The following DOCK10 variants were observed in gnomAD, a reference collection of about 807,000 sequenced individuals.
DOCK10 encodes the protein dedicator of cytokinesis 10.
DOCK10 carries 145 observed loss-of-function variants against 280.1 expected under a neutral mutation model. The observed-to-expected ratio is 0.52, with a 90% CI of 0.45 to 0.59. DOCK10 has a LOEUF of 0.59. Among genes scored for constraint, DOCK10 ranks in the 20% least tolerant of loss-of-function variants. DOCK10 has a pLI of 0.00. For synonymous variants in DOCK10, 915 were observed against 942.2 expected, an observed-to-expected ratio of 0.97 and a Z score of 0.53; for missense variants, 2,368 against 2,651.7, an observed-to-expected ratio of 0.89 and a Z score of 2.35.
rs1697740751 is a variant in DOCK10, at chr2:224,864,557, T to C, written c.1598A>G (p.Asn533Ser). The C allele has an allele frequency of 1.9e-6, 3 of 1,591,668 alleles. No homozygotes were observed. Among genetic ancestry groups the C allele is most frequent in the Non-Finnish European group, 1.7e-6 (2 of 1,173,684 alleles). Residue 533 changes from asparagine to serine, a missense_variant, in exon 13 of 56, where the codon AAC becomes AGC. This residue lies in a region of DOCK10 where 1,209 missense variants were observed against 1,250.9 expected (regional missense o/e 0.97). Coordinates refer to ENST00000258390, the MANE Select transcript of DOCK10 (RefSeq NM_014689.3). ...AEPYIKNPDS[N>S]KYAQKILKSN... ...ATTTATAAGATTATACATTACCTTG[T>C]TGGAGTCTGGGTTCTTAATATAAGG...
At chr2:224,854,916 T>A in intron 16 of DOCK10, 47 bp downstream of exon 16, 1 of 1,446,426 alleles carries the variant, frequency 6.9e-7, no homozygotes, top group South Asian at 1.2e-5. Context: ...CCACTAAATA[T>A]TCAATATTCA....
At chr2:225,002,947 C>T (rs764020862) in intron 1 of DOCK10, among the ~76,000 whole-genome samples, 1 of 152,206 alleles carries the variant, frequency 6.6e-6, no homozygotes, top group African/African-American at 2.4e-5. Flanking sequence ...TGTCTTGGGG[C>T]AGACAGCAAG....
chr2:224,952,805 G>C (rs906102793), intron 1 of DOCK10, among the ~76,000 whole-genome samples: 1 of 151,984 alleles, frequency 6.6e-6, no homozygotes, highest in Non-Finnish European at 1.5e-5. Flanking sequence ...TTTTAGCCGG[G>C]ATGGTCTCGA....
intron 53 of DOCK10, among the ~76,000 whole-genome samples, chr2:224,772,457 GTCC>G (rs1381980172): frequency 1.3e-5 from 2 of 152,110 alleles, no homozygotes; most frequent in African/African-American, 2.4e-5. Flanking sequence ...GCCCCAGGGC[GTCC>G]TCCTTGCAGA....
intron 6 of DOCK10, 46 bp from the exon 7 acceptor site, chr2:224,885,851 C>T (rs1223934624): frequency 1.9e-6 from 3 of 1,582,704 alleles, no homozygotes; most frequent in South Asian, 1.2e-5. Context: ...TTGTAATGTG[C>T]TATTACTCAT....
intron 1 of DOCK10, among the ~76,000 whole-genome samples, chr2:224,962,344 T>G (rs1704497162): frequency 6.6e-6 from 1 of 152,194 alleles, no homozygotes; most frequent in Non-Finnish European, 1.5e-5. Context: ...ATGAACAAAT[T>G]TTCATGGTTG....
intron 52 of DOCK10, 61 bp from the exon 53 acceptor site, chr2:224,773,408 C>T (rs2124973937): frequency 2.1e-6 from 3 of 1,440,120 alleles, no homozygotes; most frequent in East Asian, 2.3e-5. Context: ...TCAAGGGTTT[C>T]CCTGAAGGAC....
intron 1 of DOCK10, among the ~76,000 whole-genome samples, chr2:224,989,959 C>G (rs188196687): frequency 1.1e-4 from 17 of 152,292 alleles, no homozygotes; most frequent in African/African-American, 3.6e-4. Context: ...TAGTGGCCTC[C>G]TCTTTGCAGG....
intron 11 of DOCK10, among the ~76,000 whole-genome samples, chr2:224,873,527 G>A (rs1698424301): frequency 6.8e-6 from 1 of 147,526 alleles, no homozygotes; most frequent in Non-Finnish European, 1.5e-5. Flanking sequence ...GCTGCACTGA[G>A]CTGAGGCTGC....
rs547710815 is a variant in DOCK10, at chr2:224,770,315, C to G, written c.6340G>C (p.Val2114Leu). The stretch of plus-strand genomic sequence containing the variant: ...TCCTCTTTGATGAGGCGCTCATTCA[C>G]GTCAAGGGCCTGCCCACATGCATCT... Reference protein sequence around the residue: ...FADACGQALDVNERLIKEDQL... With the variant: ...FADACGQALDLNERLIKEDQL... The change falls in exon 55 of 56, where the codon GTG becomes CTG. Residue 2114 changes from valine (V) to leucine (L), a missense_variant. Physicochemically the swap from Val to Leu is conservative, Grantham distance 32 (BLOSUM62 1). Around this residue, in one of 2 missense-constraint regions of DOCK10, gnomAD observed 1,159 missense variants for 1,400.8 expected, o/e 0.83. Coordinates refer to ENST00000258390, the MANE Select transcript of DOCK10 (RefSeq NM_014689.3). This position sits in a 1 kb window ranked among gnomAD's most constrained non-coding sequence, Gnocchi z 4.5. 2 of 1,606,674 alleles carry G rather than the reference C, an allele frequency of 1.2e-6. No homozygotes were observed. The highest frequency in any genetic ancestry group is 2.2e-5 in the South Asian group (2 of 89,434).
In DOCK10 at chr2:224,778,952, C is replaced by T. The variant is rs1363451634; in HGVS notation, c.5656-668G>A. Among the ~76,000 whole-genome samples, 3 of 152,234 alleles carry T rather than the reference C, an allele frequency of 2.0e-5. No homozygotes were observed. In the East Asian group the frequency reaches 5.8e-4, roughly 29 times the overall value. ...ACCTTACTAAGAGATCTTTTACATT[C>T]TTGAAAAGGAAGACATTATAGGATT... On this transcript the variant is annotated intron_variant, in intron 50 of 55. Coordinates refer to ENST00000258390, the MANE Select transcript of DOCK10 (RefSeq NM_014689.3).
In DOCK10 at chr2:224,986,839, A is replaced by G. The variant is rs139476208; in HGVS notation, c.124-55171T>C. 2.2e-4 allele frequency among the ~76,000 whole-genome samples: 34 copies of G among 152,324 alleles called. No homozygotes were observed. In the East Asian group the frequency reaches 6.6e-3, roughly 29 times the overall value. ...GCTAGAGCAGCCCTAGTACCCTAGC[A>G]GGCCAATACAAGGACCTTGCCTGGG... On this transcript the variant is annotated intron_variant, in intron 1 of 55. Transcript: ENST00000258390.
chr2:225,019,445 CTTT>C (rs11399371), intron 1 of DOCK10, among the ~76,000 whole-genome samples: 1 of 139,692 alleles, frequency 7.2e-6, no homozygotes, highest in Admixed American at 7.2e-5. Flanking sequence ...GTGGTTTAAT[CTTT>C]TTTTTTTTTT....
At chr2:224,803,868 T>C (rs1693180665) in intron 39 of DOCK10, among the ~76,000 whole-genome samples, 1 of 152,114 alleles carries the variant, frequency 6.6e-6, no homozygotes, top group Non-Finnish European at 1.5e-5. Flanking sequence ...AGTGCACACA[T>C]ATATGGTGTA....
chr2:224,960,841 G>T (rs928140743), intron 1 of DOCK10, among the ~76,000 whole-genome samples: 1 of 138,318 alleles, frequency 7.2e-6, no homozygotes, highest in Admixed American at 8.3e-5. Context: ...CCGGGTTCAC[G>T]CCATTCTCCT....
intron 1 of DOCK10, chr2:224,983,813 C>G (rs1705873670): frequency 2.1e-6 from 1 of 470,874 alleles, no homozygotes; most frequent in Non-Finnish European, 4.4e-6. Flanking sequence ...TTTAGTGCTG[C>G]TGGAAAAAGA....
intron 1 of DOCK10, among the ~76,000 whole-genome samples, chr2:225,008,327 G>T (rs1033603828): frequency 1.3e-5 from 2 of 152,152 alleles, no homozygotes; most frequent in Non-Finnish European, 2.9e-5. Context: ...CTTGAGTGAA[G>T]ACTCTTTGTT....
At chr2:224,798,392 C>T (rs1692737348) in intron 41 of DOCK10, among the ~76,000 whole-genome samples, 1 of 152,052 alleles carries the variant, frequency 6.6e-6, no homozygotes, top group African/African-American at 2.4e-5. Flanking sequence ...GTAGCTGATG[C>T]AATGGCGAGT....
intron 4 of DOCK10, among the ~76,000 whole-genome samples, chr2:224,886,896 A>ACCC (rs1350872410): frequency 7.7e-6 from 1 of 130,246 alleles, no homozygotes; most frequent in Non-Finnish European, 1.7e-5. Flanking sequence ...ACACCCCCCC[A>ACCC]AGTAGTACCT....
Sources: allele counts gnomAD v4.1 joint callset (sites outside exome capture counted in the v4.1 genomes callset), GRCh38; gene constraint gnomAD v4.1.1; regional missense constraint gnomAD v4.1.1; non-coding constraint Gnocchi (gnomAD v3.1); transcripts MANE v1.5; gene names NCBI Gene and HGNC (gene_info 2026-07-23, HGNC 2026-07-21).